NCOA2: variants seen among roughly 807,000 people sequenced by gnomAD.
The protein encoded by NCOA2 is nuclear receptor coactivator 2, also known as class E basic helix-loop-helix protein 75.
In NCOA2, 21 loss-of-function variants were observed where a neutral mutation model predicts 145.1. The observed-to-expected ratio is 0.14, with a 90% CI of 0.10 to 0.21. NCOA2 has a LOEUF of 0.21. Among genes scored for constraint, NCOA2 ranks in the 10% least tolerant of loss-of-function variants. The pLI, the probability that NCOA2 is intolerant of heterozygous loss-of-function variation, is 1.00. For missense variants in NCOA2, 1,472 were observed against 1,837.6 expected (o/e 0.80, Z 3.64); for synonymous variants, 619 against 637.5 (o/e 0.97, Z 0.44).
the NCOA2 span, among the ~76,000 whole-genome samples, chr8:70,437,740 A>G: frequency 6.6e-6 from 1 of 152,238 alleles, no homozygotes; most frequent in African/African-American, 2.4e-5. Flanking sequence ...GCATCAGTGA[A>G]GAACAAAATA....
At chr8:70,338,116 C>CAA (rs113301419) in intron 1 of NCOA2, among the ~76,000 whole-genome samples, 1 of 150,742 alleles carries the variant, frequency 6.6e-6, no homozygotes, top group Non-Finnish European at 1.5e-5. Flanking sequence ...GATAGAGACA[C>CAA]AAAAAAACCC....
chr8:70,169,890 AATCATCATCATCATCATC>A (rs56144437), intron 6 of NCOA2, among the ~76,000 whole-genome samples: 2 of 150,070 alleles, frequency 1.3e-5, no homozygotes, highest in African/African-American at 4.9e-5. Context: ...TGCCAAGCAA[AATCATCATCATCATCATC>A]ATCATCATCA....
At chr8:70,340,929 G>C (rs1227585835) in intron 1 of NCOA2, among the ~76,000 whole-genome samples, 1 of 152,042 alleles carries the variant, frequency 6.6e-6, no homozygotes, top group African/African-American at 2.4e-5. Flanking sequence ...GGGCCTGTTG[G>C]GGGTAGCAGG....
chr8:70,453,762 C>T, the NCOA2 span, among the ~76,000 whole-genome samples: 2 of 152,182 alleles, frequency 1.3e-5, no homozygotes, highest in Non-Finnish European at 2.9e-5. Flanking sequence ...CACTGTGAAA[C>T]ACACACAGAA....
chr8:70,380,034 T>G (rs1019048991), intron 1 of NCOA2, among the ~76,000 whole-genome samples: 4 of 152,296 alleles, frequency 2.6e-5, no homozygotes, highest in East Asian at 1.9e-4. Flanking sequence ...GTGCTCTGAA[T>G]ATGCAAACAT....
chr8:70,122,098 A>T (rs1286198879), intron 21 of NCOA2, among the ~76,000 whole-genome samples: 2 of 152,218 alleles, frequency 1.3e-5, no homozygotes, highest in Admixed American at 1.3e-4. Context: ...CTAAGATCGT[A>T]TTACACTAGA....
intron 1 of NCOA2, among the ~76,000 whole-genome samples, chr8:70,324,040 C>T (rs1168323206): frequency 6.6e-6 from 1 of 152,146 alleles, no homozygotes; most frequent in African/African-American, 2.4e-5. Flanking sequence ...TTTTCTCTCC[C>T]TCTGAAAATC....
At chr8:70,254,676 T>C (rs921170185) in intron 2 of NCOA2, among the ~76,000 whole-genome samples, 1 of 84,468 alleles carries the variant, frequency 1.2e-5, no homozygotes, top group Admixed American at 1.9e-4. Context: ...ATTAGAATGG[T>C]GGTTACCAGG....
At chr8:70,398,175 T>C (rs539716360) in intron 1 of NCOA2, among the ~76,000 whole-genome samples, 1 of 152,290 alleles carries the variant, frequency 6.6e-6, no homozygotes, top group Non-Finnish European at 1.5e-5. Flanking sequence ...CCCAAAATGA[T>C]GGCCAGGTAC....
Position 70,274,886 on chromosome 8 carries a change from C to A in NCOA2, c.-20+21858G>T, listed in dbSNP as rs142293213. Among the ~76,000 whole-genome samples the A allele has an allele frequency of 9.2e-5, 14 of 152,324 alleles. No homozygotes were observed. The East Asian group carries it at 2.5e-3, about 27-fold the overall frequency. On this transcript the variant is annotated intron_variant, in intron 2 of 22. Transcript: ENST00000452400. ...CCACTGAAGATGCTCGCTCACTCCA[C>A]TGTCTCACCTCTTAGTGTCCACAAC...
Position 70,397,177 on chromosome 8 carries a change from G to A in NCOA2, c.-77+6523C>T, listed in dbSNP as rs573123166. On this transcript the variant is annotated intron_variant, in intron 1 of 22. Transcript: ENST00000452400. ...GACCTTTTAGTCAAGAGCAAGAATG[G>A]GCCAGGTGCAATAGCTCATGCCTGT... is the stretch of plus-strand genomic sequence containing the variant. Among the ~76,000 whole-genome samples the A allele has an allele frequency of 1.7e-4, 26 of 152,168 alleles. No homozygotes were observed. In the South Asian group the frequency reaches 5.4e-3, roughly 32 times the overall value.
At chr8:70,242,627 T>A (rs1822241745) in intron 2 of NCOA2, among the ~76,000 whole-genome samples, 2 of 152,128 alleles carry the variant, frequency 1.3e-5, no homozygotes, top group Non-Finnish European at 2.9e-5. Context: ...ATTTGCTGGC[T>A]GTTACACAGG....
intron 3 of NCOA2, among the ~76,000 whole-genome samples, chr8:70,215,462 G>C (rs1431091710): frequency 2.6e-5 from 4 of 152,192 alleles, no homozygotes; most frequent in African/African-American, 7.2e-5. Flanking sequence ...CCAGGAAGTA[G>C]TAGGGAACCT....
chr8:70,409,865 G>A, the NCOA2 span, among the ~76,000 whole-genome samples: 1 of 151,932 alleles, frequency 6.6e-6, no homozygotes, highest in African/African-American at 2.4e-5. Context: ...GAGCAAGAGA[G>A]CAAGACCCTG....
Position 70,157,049 on chromosome 8 carries a change from C to T in NCOA2, c.1316G>A (p.Gly439Asp). ...CATTCCCCCAGAACCACCAAACCTG[C>T]CCATGGGCATGCCCATTTGTTCCTT... Reference protein sequence around the residue: ...GPKEQMGMPMGRFGGSGGMNH... With the variant: ...GPKEQMGMPMDRFGGSGGMNH... Residue 439 changes from glycine (G) to aspartate (D), a missense_variant, in exon 11 of 23, where the codon GGC (glycine) becomes GAC (aspartate). Transcript: ENST00000452400. 6.2e-7 allele frequency: 1 copy of T among 1,614,066 alleles called. No individual in the cohort carries two copies. Among genetic ancestry groups the T allele is most frequent in the East Asian group, 2.2e-5 (1 of 44,880 alleles).
the NCOA2 span, among the ~76,000 whole-genome samples, chr8:70,418,278 G>A: frequency 7.9e-5 from 12 of 152,156 alleles, no homozygotes; most frequent in African/African-American, 2.4e-4. Context: ...CCATTCCACT[G>A]TACTGTCAAG....
At chr8:70,374,716 C>T (rs766739605) in intron 1 of NCOA2, among the ~76,000 whole-genome samples, 1 of 150,844 alleles carries the variant, frequency 6.6e-6, no homozygotes, top group Non-Finnish European at 1.5e-5. Context: ...GTGGGAAGAT[C>T]GCTTGAGCAC....
At chr8:70,159,242 A>ATATTTTTTTTTT in intron 10 of NCOA2, among the ~76,000 whole-genome samples, 6 of 61,076 alleles carry the variant, frequency 9.8e-5, no homozygotes, top group African/African-American at 3.2e-4. Flanking sequence ...ATATATATAT[A>ATATTTTTTTTTT]TTTTTTTTTT....
chr8:70,211,390 T>A (rs995862927), intron 4 of NCOA2, among the ~76,000 whole-genome samples: 1 of 149,698 alleles, frequency 6.7e-6, no homozygotes, highest in Non-Finnish European at 1.5e-5. Flanking sequence ...ACCCAGAAGG[T>A]GGAGGTTGCA....
Sources: allele counts gnomAD v4.1 joint callset (sites outside exome capture counted in the v4.1 genomes callset), GRCh38; gene constraint gnomAD v4.1.1; transcripts MANE v1.5; gene names NCBI Gene and HGNC (gene_info 2026-07-23, HGNC 2026-07-21).